The following LRMDA variants were observed in gnomAD, a reference collection of about 807,000 sequenced individuals.
LRMDA encodes the protein leucine-rich melanocyte differentiation-associated protein.
A neutral mutation model predicts 29.8 loss-of-function variants in LRMDA; 18 were observed. The ratio of observed to expected loss-of-function variants is 0.60; its 90% CI spans 0.42 to 0.90. The LOEUF (loss-of-function observed/expected upper bound fraction) is 0.90, where lower values mean the gene tolerates loss of function less well. LRMDA is among the 40% of genes least tolerant of loss of function. LRMDA has a pLI of 0.00. For missense variants in LRMDA, 273 were observed against 273.9 expected (o/e 1.00, Z 0.02); for synonymous variants, 125 against 109.4 (o/e 1.14, Z -0.89).
intron 2 of LRMDA, among the ~76,000 whole-genome samples, chr10:75,926,803 C>G (rs1167351598): frequency 6.6e-6 from 1 of 152,200 alleles, no homozygotes; most frequent in Non-Finnish European, 1.5e-5. Context: ...TGGGCTGTTT[C>G]CTGACACAGC....
At chr10:76,301,058 GT>G (rs1204941393) in intron 5 of LRMDA, among the ~76,000 whole-genome samples, 1 of 151,788 alleles carries the variant, frequency 6.6e-6, no homozygotes, top group Non-Finnish European at 1.5e-5. Flanking sequence ...CATGCTATTT[GT>G]TTTTTTTCCT....
At chr10:76,340,677 G>A (rs1320894704) in intron 6 of LRMDA, among the ~76,000 whole-genome samples, 1 of 151,714 alleles carries the variant, frequency 6.6e-6, no homozygotes, top group East Asian at 1.9e-4. Flanking sequence ...TATGAAAGAG[G>A]GATTTAAAAA....
intron 2 of LRMDA, among the ~76,000 whole-genome samples, chr10:75,630,456 G>T (rs1841309052): frequency 6.6e-6 from 1 of 152,176 alleles, no homozygotes; most frequent in Non-Finnish European, 1.5e-5. Flanking sequence ...TGTCTGTCTT[G>T]CAGTTTCTAG....
chr10:76,162,601 T>A, intron 5 of LRMDA, among the ~76,000 whole-genome samples: 1 of 151,988 alleles, frequency 6.6e-6, no homozygotes, highest in Admixed American at 6.6e-5. Flanking sequence ...GAGAGGGAGA[T>A]GCTACACACT....
At chr10:76,510,227 C>T (rs184170041) in intron 6 of LRMDA, among the ~76,000 whole-genome samples, 22 of 152,112 alleles carry the variant, frequency 1.4e-4, no homozygotes, top group Non-Finnish European at 2.6e-4. Flanking sequence ...TGTGCCACCA[C>T]GCTTGGCTAA....
At chr10:76,009,603 C>T (rs1000715653) in intron 2 of LRMDA, among the ~76,000 whole-genome samples, 1 of 152,154 alleles carries the variant, frequency 6.6e-6, no homozygotes, top group African/African-American at 2.4e-5. Context: ...ACCTTCCAAA[C>T]CTAATTCTCT....
At chr10:76,121,598 C>CCTTAA (rs1195838571) in intron 5 of LRMDA, among the ~76,000 whole-genome samples, 3 of 152,154 alleles carry the variant, frequency 2.0e-5, no homozygotes, top group Non-Finnish European at 2.9e-5. Context: ...AAACTTCTCC[C>CCTTAA]CTTAATGTCA....
rs1842924729 is a variant in LRMDA, at chr10:75,749,252, T to C, written c.132-286756T>C. On this transcript the variant is annotated intron_variant, in intron 2 of 6. Coordinates refer to ENST00000611255, the MANE Select transcript of LRMDA (RefSeq NM_001305581.2). ...TTGTAAGGCTGCAGTATGTAATACA[T>C]ATAACATACAAAACGTGTTAACCTA... is the stretch of plus-strand genomic sequence containing the variant. Among the ~76,000 whole-genome samples the C allele has an allele frequency of 1.3e-5, 2 of 152,192 alleles. 1 individual carries two copies. The highest frequency in any genetic ancestry group is 4.8e-5 in the African/African-American group (2 of 41,436).
chr10:75,847,812 C>CT (rs1260623771), intron 2 of LRMDA, among the ~76,000 whole-genome samples: 6 of 152,128 alleles, frequency 3.9e-5, no homozygotes, highest in Non-Finnish European at 7.4e-5. Flanking sequence ...AAGACATCCT[C>CT]TAAAAGATTC....
At chr10:75,473,722 C>T (rs943869129) in intron 2 of LRMDA, among the ~76,000 whole-genome samples, 1 of 152,178 alleles carries the variant, frequency 6.6e-6, no homozygotes, top group Admixed American at 6.5e-5. Context: ...TGAGGTGATG[C>T]TTGTAGGCTG....
At chr10:76,077,363 A>G (rs145877389) in intron 5 of LRMDA, among the ~76,000 whole-genome samples, 21 of 152,328 alleles carry the variant, frequency 1.4e-4, no homozygotes, top group African/African-American at 4.8e-4. Flanking sequence ...AGACAGCTGG[A>G]GATCTTCAAG....
chr10:75,886,516 A>G (rs999532366), intron 2 of LRMDA, among the ~76,000 whole-genome samples: 48 of 152,144 alleles, frequency 3.2e-4, no homozygotes, highest in African/African-American at 1.1e-3. Context: ...TGTCATGTAA[A>G]GCTGTTTCTG....
chr10:76,556,680 C>T (rs926556272), intron 6 of LRMDA, among the ~76,000 whole-genome samples: 4 of 152,126 alleles, frequency 2.6e-5, no homozygotes, highest in Non-Finnish European at 5.9e-5. Context: ...TCAACACCAC[C>T]TCTCTTCCTT....
chr10:76,502,401 A>C (rs1370423591), intron 6 of LRMDA, among the ~76,000 whole-genome samples: 5 of 152,072 alleles, frequency 3.3e-5, no homozygotes, highest in Admixed American at 6.6e-5. Context: ...GTGAAGAATG[A>C]CATTGGCAGT....
rs1285307166 is a variant in LRMDA at position 76,278,590 on chromosome 10, A to G, written c.517-45811A>G. 2.6e-5 allele frequency among the ~76,000 whole-genome samples: 4 copies of G among 152,180 alleles called. No homozygotes were observed. In the East Asian group the frequency reaches 7.7e-4, roughly 29 times the overall value. On this transcript the variant is annotated intron_variant, in intron 5 of 6. Coordinates refer to ENST00000611255, the MANE Select transcript of LRMDA (RefSeq NM_001305581.2). ...CCTGACAGTCAGCGGTGTCTCACCCACACTATTACCTGCCTTTGTTAGTAG... is the reference window on the plus strand; with the variant it reads ...CCTGACAGTCAGCGGTGTCTCACCCGCACTATTACCTGCCTTTGTTAGTAG...
chr10:75,877,222 T>C (rs1429924796), intron 2 of LRMDA, among the ~76,000 whole-genome samples: 5 of 152,188 alleles, frequency 3.3e-5, no homozygotes, highest in Non-Finnish European at 5.9e-5. Flanking sequence ...TGGGCTTACG[T>C]CCCCTTTCCT....
chr10:75,464,395 CTG>C (rs1844626808), intron 2 of LRMDA, among the ~76,000 whole-genome samples: 1 of 152,168 alleles, frequency 6.6e-6, no homozygotes, highest in Non-Finnish European at 1.5e-5. Context: ...TGTAGCAAGA[CTG>C]TGCACTAGTT....
intron 5 of LRMDA, among the ~76,000 whole-genome samples, chr10:76,111,652 A>G (rs1385876499): frequency 2.0e-5 from 3 of 152,240 alleles, no homozygotes; most frequent in African/African-American, 4.8e-5. Context: ...AGTTTGTATA[A>G]TTTAACACAC....
chr10:76,268,872 T>G (rs1162565857), intron 5 of LRMDA, among the ~76,000 whole-genome samples: 1 of 152,060 alleles, frequency 6.6e-6, no homozygotes, highest in Non-Finnish European at 1.5e-5. Context: ...GCGTGTTTAG[T>G]GAGCTTATTG....
Sources: gnomAD v4.1 joint callset for allele counts (sites outside exome capture counted in the v4.1 genomes callset) on GRCh38, gnomAD v4.1.1 for gene constraint, MANE v1.5 for transcripts, NCBI Gene and HGNC (gene_info 2026-07-23, HGNC 2026-07-21) for gene names.